The following STPG4 variants were observed in gnomAD, a reference collection of about 807,000 sequenced individuals.
STPG4 encodes protein STPG4.
STPG4 carries 41 observed loss-of-function variants against 31.5 expected under a neutral mutation model. That is an observed-to-expected ratio of 1.30 (90% confidence interval 1.01 to 1.69). The LOEUF is 1.69. Ranked by LOEUF, STPG4 falls within the 40% of genes most tolerant of loss-of-function variation. The pLI is 0.00. For synonymous variants in STPG4, 141 were observed against 103.0 expected (o/e 1.37, Z -2.24); for missense variants, 375 against 293.4 (o/e 1.28, Z -2.03).
chr2:47,099,802 G>T (rs186817725), intron 5 of STPG4, among the ~76,000 whole-genome samples: 1 of 152,390 alleles, frequency 6.6e-6, no homozygotes, highest in Non-Finnish European at 1.5e-5. Context: ...GGTGGGCATG[G>T]GCTTGGTGGG....
intron 5 of STPG4, among the ~76,000 whole-genome samples, chr2:47,102,794 G>A (rs907497668): frequency 3.3e-5 from 5 of 151,792 alleles, no homozygotes; most frequent in African/African-American, 7.3e-5. Context: ...GGCCCAACCC[G>A]GGTACATGTC....
chr2:47,145,426 G>C (rs1170935906), intron 3 of STPG4, among the ~76,000 whole-genome samples: 1 of 152,210 alleles, frequency 6.6e-6, no homozygotes, highest in African/African-American at 2.4e-5. Context: ...ACCATGGGCT[G>C]TCCCTTTCAT....
chr2:47,131,787 G>C (rs1686489192), intron 3 of STPG4, among the ~76,000 whole-genome samples: 1 of 152,202 alleles, frequency 6.6e-6, no homozygotes, highest in Non-Finnish European at 1.5e-5. Context: ...ATTTCCATCA[G>C]GAAATTGTTG....
chr2:47,123,382 G>T (rs533653157), intron 5 of STPG4, among the ~76,000 whole-genome samples: 2 of 152,252 alleles, frequency 1.3e-5, no homozygotes, highest in African/African-American at 4.8e-5. Flanking sequence ...AATACTATGT[G>T]CCAGTCACTT....
At chr2:47,090,488 C>G (rs574392410) in intron 5 of STPG4, 114 bp from the exon 6 acceptor site, 3 of 719,026 alleles carry the variant, frequency 4.2e-6, no homozygotes, top group Non-Finnish European at 7.0e-6. Flanking sequence ...TAGAAAAATC[C>G]CATATTTGGT....
At chr2:47,131,892 A>AG (rs1227119053) in intron 3 of STPG4, among the ~76,000 whole-genome samples, 3 of 152,074 alleles carry the variant, frequency 2.0e-5, no homozygotes, top group Non-Finnish European at 4.4e-5. Context: ...AATAGACAGG[A>AG]GAGGCTTAAT....
intron 3 of STPG4, among the ~76,000 whole-genome samples, chr2:47,137,369 A>T (rs563580290): frequency 1.3e-5 from 2 of 152,196 alleles, no homozygotes; most frequent in African/African-American, 4.8e-5. Flanking sequence ...ACATTGTTAG[A>T]CTTAATTTGC....
At chr2:47,125,773 G>C (rs1668171404) in intron 5 of STPG4, among the ~76,000 whole-genome samples, 1 of 151,412 alleles carries the variant, frequency 6.6e-6, no homozygotes, top group African/African-American at 2.4e-5. Flanking sequence ...TGCCCAGGCT[G>C]GTCTCGAATT....
At chr2:47,103,075 AT>A (rs1292899078) in intron 5 of STPG4, among the ~76,000 whole-genome samples, 1 of 151,916 alleles carries the variant, frequency 6.6e-6, no homozygotes, top group Non-Finnish European at 1.5e-5. Context: ...AAAGGGACAA[AT>A]TCCCTACTGG....
At chr2:47,118,737 G>A (rs968039232) in intron 5 of STPG4, among the ~76,000 whole-genome samples, 19 of 152,282 alleles carry the variant, frequency 1.2e-4, no homozygotes, top group Non-Finnish European at 2.1e-4. Flanking sequence ...AAATAGAGAT[G>A]ATAAATTAAT....
At chr2:47,132,190 T>C (rs1042824775) in intron 3 of STPG4, among the ~76,000 whole-genome samples, 2 of 145,232 alleles carry the variant, frequency 1.4e-5, no homozygotes, top group Non-Finnish European at 3.0e-5. Context: ...TAGGAAGATA[T>C]GTGAAGGAAG....
rs912979727 is a variant in STPG4, at chr2:47,087,109, A to C, written c.646T>G (p.Tyr216Asp). The C allele has an allele frequency of 3.2e-6, 5 of 1,551,798 alleles. No homozygotes were observed. The highest frequency in any genetic ancestry group is 4.4e-6 in the Non-Finnish European group (5 of 1,146,998). The change falls in exon 7 of 7, where the codon TAT (tyrosine) becomes GAT (aspartate). Residue 216 changes from tyrosine to aspartate, a missense_variant. Transcript: ENST00000445927. ...TTAGGGAATTGTCTTAAAGTTGTATATGCTCCTGGGCCTGGGGTTTTCTGA... is the reference window on the plus strand; with the variant it reads ...TTAGGGAATTGTCTTAAAGTTGTATCTGCTCCTGGGCCTGGGGTTTTCTGA... Reference protein sequence around the residue: ...SCSKTPGPGAYTTLRQFPKQS... With the variant: ...SCSKTPGPGADTTLRQFPKQS...
intron 5 of STPG4, among the ~76,000 whole-genome samples, chr2:47,109,876 G>C (rs1686000645): frequency 6.6e-6 from 1 of 152,198 alleles, no homozygotes; most frequent in Non-Finnish European, 1.5e-5. Context: ...TGAGGGCATA[G>C]TCTATGCCAC....
At chr2:47,105,648 G>A (rs1420038489) in intron 5 of STPG4, among the ~76,000 whole-genome samples, 1 of 152,030 alleles carries the variant, frequency 6.6e-6, no homozygotes, top group African/African-American at 2.4e-5. Flanking sequence ...CATTTGTGGA[G>A]AATGGGATAC....
intron 5 of STPG4, among the ~76,000 whole-genome samples, chr2:47,106,691 A>C (rs1275441044): frequency 6.6e-6 from 1 of 151,930 alleles, no homozygotes; most frequent in Non-Finnish European, 1.5e-5. Flanking sequence ...CGGCGTTTAC[A>C]GGAAAACGCT....
At chr2:47,119,950 C>G (rs4953466) in intron 5 of STPG4, among the ~76,000 whole-genome samples, 127,795 of 152,198 alleles carry the variant, frequency 0.84, 54,256 homozygotes, top group South Asian at 0.95. Context: ...AAAAGGGTGA[C>G]ATTGCATGAA....
chr2:47,103,780 C>T (rs1685847994), intron 5 of STPG4, among the ~76,000 whole-genome samples: 2 of 151,888 alleles, frequency 1.3e-5, no homozygotes, highest in South Asian at 4.2e-4. Flanking sequence ...CTGAGGGTGC[C>T]CGGGGCAAGT....
intron 5 of STPG4, chr2:47,129,560 G>A: frequency 5.0e-6 from 1 of 200,032 alleles, no homozygotes; most frequent in Non-Finnish European, 1.0e-5. Context: ...CCTGTTACAG[G>A]CAGCACGGTG....
rs1282504973 is a variant in STPG4 at position 47,090,220 on chromosome 2, A to C, written c.624+50T>G. On this transcript the variant is annotated intron_variant, in intron 6 of 6. Transcript: ENST00000445927. ...ACATAGAAACAGAAAACCTACCACC[A>C]TAACCATACCCCTAGGGGTGGGGGG... 3.0e-6 allele frequency: 4 copies of C among 1,319,198 alleles called. No homozygotes were observed. The Admixed American group carries it at 8.0e-5, about 26-fold the overall frequency. The allele number at this position is 1,319,198 out of a possible 1,614,324, so 81.7% of individuals were successfully genotyped here.
Sources: allele counts gnomAD v4.1 joint callset (sites outside exome capture counted in the v4.1 genomes callset), GRCh38; gene constraint gnomAD v4.1.1; transcripts MANE v1.5; gene names NCBI Gene and HGNC (gene_info 2026-07-23, HGNC 2026-07-21).